OTOA: variants seen among roughly 807,000 people sequenced by gnomAD.
OTOA encodes cancer/testis antigen 108.
A neutral mutation model predicts 110.8 loss-of-function variants in OTOA; 70 were observed. The observed-to-expected ratio is 0.63, with a 90% confidence interval of 0.52 to 0.77. OTOA has a LOEUF of 0.77. OTOA is among the 30% of genes least tolerant of loss of function. The pLI, the probability that OTOA is intolerant of heterozygous loss-of-function variation, is 0.00. For missense variants in OTOA, 917 were observed against 1,075.8 expected (o/e 0.85, Z 2.06); for synonymous variants, 373 against 431.5 (o/e 0.86, Z 1.68).
intron 21 of OTOA, among the ~76,000 whole-genome samples, chr16:21,735,308 C>T (rs1435817534): frequency 6.6e-6 from 1 of 151,988 alleles, no homozygotes; most frequent in Non-Finnish European, 1.5e-5. Context: ...TTGGCCGACA[C>T]AGGAGCAAGA....
chr16:21,705,059 G>A (rs377682972), intron 11 of OTOA, 110 bp from the exon 12 acceptor site: 4 of 1,550,152 alleles, frequency 2.6e-6, no homozygotes, highest in African/African-American at 1.4e-5. Context: ...TTCAACCTGG[G>A]AGTCCGTGGC....
At chr16:21,689,466 T>C (rs1897785789) in intron 8 of OTOA, among the ~76,000 whole-genome samples, 1 of 152,210 alleles carries the variant, frequency 6.6e-6, no homozygotes, top group Non-Finnish European at 1.5e-5. Flanking sequence ...GTTTATTGGT[T>C]ACTGCTCACC....
chr16:21,668,116 T>G (rs903117844), intron 1 of OTOA, among the ~76,000 whole-genome samples: 1 of 152,174 alleles, frequency 6.6e-6, no homozygotes, highest in Non-Finnish European at 1.5e-5. Flanking sequence ...CACAATTTTT[T>G]GGGTTTTTTT....
At chr16:21,676,053 G>A (rs538624125) in intron 1 of OTOA, among the ~76,000 whole-genome samples, 2 of 152,214 alleles carry the variant, frequency 1.3e-5, no homozygotes, top group South Asian at 4.1e-4. Context: ...TCAGCCTCCT[G>A]AGTAGTTGGG....
At chr16:21,716,806 G>T in intron 14 of OTOA, 101 bp from the exon 15 acceptor site, 1 of 1,380,142 alleles carries the variant, frequency 7.2e-7, no homozygotes, top group Non-Finnish European at 1.0e-6. Flanking sequence ...GTTGCTGAGC[G>T]GGTCTGATGG....
intron 1 of OTOA, among the ~76,000 whole-genome samples, chr16:21,676,280 T>C (rs1199581239): frequency 1.3e-5 from 2 of 152,242 alleles, no homozygotes; most frequent in South Asian, 2.1e-4. Context: ...ATTTTTTTTT[T>C]CTTTTTTTTC....
intron 11 of OTOA, among the ~76,000 whole-genome samples, chr16:21,703,707 G>A (rs1898098308): frequency 6.6e-6 from 1 of 152,094 alleles, no homozygotes; most frequent in Non-Finnish European, 1.5e-5. Context: ...CTCTCCTGTG[G>A]GCATGTCTGA....
chr16:21,714,092 C>T (rs991216379), intron 13 of OTOA, among the ~76,000 whole-genome samples: 2 of 152,122 alleles, frequency 1.3e-5, no homozygotes, highest in South Asian at 2.1e-4. Flanking sequence ...TAAAGGAACC[C>T]ACTCAGCTGT....
intron 20 of OTOA, among the ~76,000 whole-genome samples, chr16:21,728,959 C>G (rs764307056): frequency 3.4e-4 from 51 of 152,100 alleles, no homozygotes; most frequent in Non-Finnish European, 5.4e-4. Context: ...GTTTCTTACA[C>G]AGCTTGGCAT....
intron 28 of OTOA, among the ~76,000 whole-genome samples, chr16:21,758,268 C>T (rs1381423957): frequency 1.3e-5 from 2 of 151,786 alleles, no homozygotes; most frequent in Admixed American, 6.6e-5. Context: ...GAGATAGCTT[C>T]TAACAAGATG....
chr16:21,705,323 C>CT, intron 12 of OTOA, 31 bp downstream of exon 12: 1 of 1,612,994 alleles, frequency 6.2e-7, no homozygotes, highest in Non-Finnish European at 8.5e-7. Flanking sequence ...CCTGAGGCCT[C>CT]TGCCTCAGTG....
At chr16:21,736,995 G>A (rs1308070975) in intron 22 of OTOA, among the ~76,000 whole-genome samples, 1 of 152,310 alleles carries the variant, frequency 6.6e-6, no homozygotes, top group Non-Finnish European at 1.5e-5. Context: ...ACAGGGCCGG[G>A]CTGGCTACAT....
chr16:21,684,539 C>G (rs1966963431), intron 6 of OTOA: 2 of 1,550,280 alleles, frequency 1.3e-6, no homozygotes, highest in Non-Finnish European at 1.7e-6. Flanking sequence ...AACTCAATCA[C>G]CTACAGGGAC....
In OTOA at chr16:21,717,052, T is replaced by C. The variant is rs1432706369; in HGVS notation, c.1629+5T>C. ...AAGGAACTTGGAAGGAGCCAGGTAT[T>C]ACCATGAAACACAGATCGATCCTGT... On this transcript the variant is annotated splice_donor_5th_base_variant and intron_variant, in intron 15 of 28. Transcript: ENST00000646100. 1 of 1,614,060 alleles carries C rather than the reference T, an allele frequency of 6.2e-7. No individual in the cohort carries two copies. Among genetic ancestry groups the C allele is most frequent in the Non-Finnish European group, 8.5e-7 (1 of 1,179,978 alleles).
chr16:21,693,026 G>A (rs543063388), intron 9 of OTOA, among the ~76,000 whole-genome samples: 1 of 149,448 alleles, frequency 6.7e-6, no homozygotes. Context: ...AGGCTGAGAC[G>A]GGCAGATCAC....
chr16:21,715,112 C>T lies in OTOA; in HGVS notation c.1448C>T (p.Ser483Phe). The T allele has an allele frequency of 6.2e-7, 1 of 1,614,204 alleles. No individual in the cohort carries two copies. The highest frequency in any genetic ancestry group is 8.5e-7 in the Non-Finnish European group (1 of 1,180,022). The change falls in exon 14 of 29, where the codon TCC becomes TTC. Residue 483 changes from serine (S) to phenylalanine (F), a missense_variant. By Grantham distance (155) the Ser-to-Phe change is radical. Coordinates refer to ENST00000646100, the MANE Select transcript of OTOA (RefSeq NM_144672.4). Reference protein sequence around the residue: ...VLRSAVSQYVSDLSPAQQQGI... With the variant: ...VLRSAVSQYVFDLSPAQQQGI... ...AGAAGTGCCGTCTCCCAGTATGTAT[C>T]CGACTTGTCACCTGCCCAGCAGCAA...
At position 21,681,156 on chromosome 16, in the gene OTOA, T is replaced by C. The variant is rs75422939; in HGVS notation, c.180-582T>C. Among the ~76,000 whole-genome samples, 8 of 152,318 alleles carry C rather than the reference T, an allele frequency of 5.3e-5. No individual in the cohort carries two copies. In the East Asian group the frequency reaches 1.2e-3, roughly 22 times the overall value. On this transcript the variant is annotated intron_variant, in intron 5 of 28. Coordinates refer to ENST00000646100, the MANE Select transcript of OTOA (RefSeq NM_144672.4). ...ATCTTTCTAACACAATCAGTTTGGA[T>C]TGTAGTCAATCTAAGCAGATTGTTA...
chr16:21,736,267 G>A lies in OTOA; in HGVS notation c.2308G>A (p.Glu770Lys). The A allele has an allele frequency of 6.2e-7, 1 of 1,612,972 alleles. No homozygotes were observed. The highest frequency in any genetic ancestry group is 8.5e-7 in the Non-Finnish European group (1 of 1,179,040). ...TTCATCTTCTTTCACACAGTTTCCTGAGATCCTTCTGCAAGCAGCTTCCAA... is the reference window on the plus strand; with the variant it reads ...TTCATCTTCTTTCACACAGTTTCCTAAGATCCTTCTGCAAGCAGCTTCCAA... The part of the protein sequence containing the change: ...ELSSIATKFP[E>K]ILLQAASKMA... The change falls in exon 22 of 29, where the codon GAG (glutamate) becomes AAG (lysine). Residue 770 changes from glutamate to lysine, a missense_variant. This residue lies in a region of OTOA where 57 missense variants were observed against 59.7 expected (regional missense o/e 0.96). Coordinates refer to ENST00000646100, the MANE Select transcript of OTOA (RefSeq NM_144672.4).
In OTOA at chr16:21,720,858, G is replaced by A. The variant is rs1898707476; in HGVS notation, c.1806+1354G>A. Among the ~76,000 whole-genome samples the A allele has an allele frequency of 2.0e-5, 3 of 151,536 alleles. No homozygotes were observed. In the South Asian group the frequency reaches 6.2e-4, roughly 32 times the overall value. ...AGAGCCTTCAAATACCAGTTAATTA[G>A]AAAATTTGCCTTTCTCGTTTATATT... is the stretch of plus-strand genomic sequence containing the variant. On this transcript the variant is annotated intron_variant, in intron 17 of 28. Coordinates refer to ENST00000646100, the MANE Select transcript of OTOA (RefSeq NM_144672.4).
Sources: gnomAD v4.1 joint callset for allele counts (sites outside exome capture counted in the v4.1 genomes callset) on GRCh38, gnomAD v4.1.1 for gene constraint, gnomAD v4.1.1 regional missense constraint, MANE v1.5 for transcripts, NCBI Gene and HGNC (gene_info 2026-07-23, HGNC 2026-07-21) for gene names.